Variants in EDA2R observed in about 807,000 individuals in gnomAD.
EDA2R encodes tumor necrosis factor receptor superfamily member 27.
Under a neutral mutation model 20.1 loss-of-function variants are expected in EDA2R, and 26 were observed. That is an observed-to-expected ratio of 1.30 (90% CI 0.95 to 1.80). EDA2R has a LOEUF of 1.80. Among genes scored for constraint, EDA2R ranks in the 40% most tolerant of loss-of-function variants. EDA2R has a pLI of 0.00. For synonymous variants in EDA2R, 114 were observed against 88.7 expected (o/e 1.29, Z -1.60); for missense variants, 277 against 228.7 (o/e 1.21, Z -1.36).
chrX:66,607,930 A>G lies in EDA2R; in HGVS notation c.88-2704T>C, dbSNP rs1236752090. ...GCACTTAGTAGACAAAGACTAAAAG[A>G]ACTGTCTTAAATTTGCTCAAAGACA... On this transcript the variant is annotated intron_variant, in intron 2 of 6. Coordinates refer to ENST00000374719, the MANE Select transcript of EDA2R (RefSeq NM_021783.5). Among the ~76,000 whole-genome samples, 2 of 112,334 alleles carry G rather than the reference A, an allele frequency of 1.8e-5. 1 individual carries two copies. Among genetic ancestry groups the G allele is most frequent in the African/African-American group, 6.5e-5 (2 of 30,944 alleles).
intron 3 of EDA2R, 25 bp downstream of exon 3, chrX:66,605,023 G>C (rs752977601): frequency 1.7e-6 from 2 of 1,175,302 alleles, no homozygotes; most frequent in African/African-American, 3.5e-5. Flanking sequence ...GCCCAGACAA[G>C]CTTGGTCTCA....
At position 66,599,654 on chromosome X, in the gene EDA2R, C is replaced by T; in HGVS notation, c.724G>A (p.Glu242Lys). 1 of 1,207,505 alleles carries T rather than the reference C, an allele frequency of 8.3e-7. No homozygotes were observed. Among genetic ancestry groups the T allele is most frequent in the Non-Finnish European group, 1.1e-6 (1 of 893,722 alleles). Reference sequence around the variant, plus strand: ...CTGTGGACCCAGTGGGAGTGGCTCTCTGAGGTGCAGGAGGCCATGGTAAAG... The same window carrying T: ...CTGTGGACCCAGTGGGAGTGGCTCTTTGAGGTGCAGGAGGCCATGGTAAAG... ...ESFTMASCTS[E>K]SHSHWVHSPI... is the part of the protein sequence containing the mutation. Residue 242 changes from glutamate to lysine, a missense_variant, in exon 6 of 7, where the codon GAG becomes AAG. Physicochemically the swap from Glu to Lys is moderately conservative, Grantham distance 56. Coordinates refer to ENST00000374719, the MANE Select transcript of EDA2R (RefSeq NM_021783.5).
chrX:66,621,003 A>AC (rs1488177843), intron 1 of EDA2R, among the ~76,000 whole-genome samples: 1 of 105,113 alleles, frequency 9.5e-6, no homozygotes, highest in Non-Finnish European at 1.9e-5. Context: ...CCGGCCAGGC[A>AC]CGGTGGCTCA....
At chrX:66,630,525 G>C (rs1329905040) in intron 1 of EDA2R, among the ~76,000 whole-genome samples, 1 of 110,849 alleles carries the variant, frequency 9.0e-6, no homozygotes, top group Non-Finnish European at 1.9e-5. Context: ...CAAAACGTGG[G>C]CTAAGGACAT....
Position 66,626,181 on chromosome X carries a change from G to A in EDA2R, c.-10-10151C>T, listed in dbSNP as rs977988408. Among the ~76,000 whole-genome samples the A allele has an allele frequency of 3.6e-5, 4 of 111,904 alleles. No individual in the cohort carries two copies. The Admixed American group carries it at 3.8e-4, about 11-fold the overall frequency. ...CCAAGATAAAATCTCTGATTTACCT[G>A]AAAAAGAATTCAGGAGATTAGTTAT... On this transcript the variant is annotated intron_variant, in intron 1 of 6. Coordinates refer to ENST00000374719, the MANE Select transcript of EDA2R (RefSeq NM_021783.5).
intron 1 of EDA2R, among the ~76,000 whole-genome samples, chrX:66,628,220 T>C (rs1485355323): frequency 1.8e-5 from 2 of 110,735 alleles, no homozygotes; most frequent in Non-Finnish European, 3.8e-5. Flanking sequence ...AACACCTATA[T>C]GGAAATGACT....
chrX:66,612,796 T>C (rs1931005220), intron 2 of EDA2R, among the ~76,000 whole-genome samples: 1 of 111,810 alleles, frequency 8.9e-6, no homozygotes, highest in Non-Finnish European at 1.9e-5. Flanking sequence ...TTGTACTCAA[T>C]AAAAATTAAA....
At chrX:66,598,225 A>G in intron 6 of EDA2R, 132 bp from the exon 7 acceptor site, 1 of 224,336 alleles carries the variant, frequency 4.5e-6, no homozygotes, top group Non-Finnish European at 8.6e-6. Flanking sequence ...TTACCTAGAT[A>G]GGGATATGAC....
chrX:66,599,950 G>A (rs1322314234), intron 5 of EDA2R, 90 bp from the exon 6 acceptor site: 2 of 1,141,222 alleles, frequency 1.8e-6, no homozygotes, highest in East Asian at 3.1e-5. Flanking sequence ...GACAGGTAAA[G>A]GTCTGGGAGC....
intron 2 of EDA2R, among the ~76,000 whole-genome samples, chrX:66,611,977 G>A (rs777111713): frequency 1.8e-5 from 2 of 111,477 alleles, no homozygotes; most frequent in Non-Finnish European, 3.8e-5. Flanking sequence ...CAAATGATAC[G>A]ACAGTGGGTT....
chrX:66,612,924 C>A (rs910398864), intron 2 of EDA2R, among the ~76,000 whole-genome samples: 6 of 111,304 alleles, frequency 5.4e-5, no homozygotes, highest in Admixed American at 9.6e-5. Context: ...TGCAAAATTT[C>A]TTTTGCTATT....
intron 4 of EDA2R, among the ~76,000 whole-genome samples, 189 bp from the exon 5 acceptor site, chrX:66,602,986 T>C (rs979829338): frequency 8.9e-6 from 1 of 112,168 alleles, no homozygotes; most frequent in Non-Finnish European, 1.9e-5. Flanking sequence ...AATTTGTATA[T>C]AGTGCTGGTA....
chrX:66,625,080 G>T (rs1423086504), intron 1 of EDA2R, among the ~76,000 whole-genome samples: 6 of 111,778 alleles, frequency 5.4e-5, no homozygotes, highest in Non-Finnish European at 1.1e-4. Context: ...CAGAAGGGTC[G>T]CCAGAGGCAC....
At chrX:66,627,701 A>G (rs1162424532) in intron 1 of EDA2R, among the ~76,000 whole-genome samples, 2 of 112,227 alleles carry the variant, frequency 1.8e-5, no homozygotes, top group Admixed American at 1.9e-4. Context: ...TCAATATTCT[A>G]CTGACAGCAG....
Position 66,602,705 on chromosome X carries a change from C to T in EDA2R, c.445G>A (p.Val149Met), listed in dbSNP as rs867737802. 2.5e-6 allele frequency: 3 copies of T among 1,200,821 alleles called. No homozygotes were observed. Among genetic ancestry groups the T allele is most frequent in the Non-Finnish European group, 3.4e-6 (3 of 889,593 alleles). Residue 149 changes from valine (V) to methionine (M), a missense_variant, in exon 5 of 7, where the codon GTG becomes ATG. Transcript: ENST00000374719. ...AGCCCCAGGAAGGCCAGGGTAAACACCACTAGCAGGCTGCTCACCAGTGCA... is the reference window on the plus strand; with the variant it reads ...AGCCCCAGGAAGGCCAGGGTAAACATCACTAGCAGGCTGCTCACCAGTGCA... ...LVALVSSLLV[V>M]FTLAFLGLFF...
intron 4 of EDA2R, among the ~76,000 whole-genome samples, chrX:66,603,803 T>C (rs1490952096): frequency 8.9e-6 from 1 of 111,924 alleles, no homozygotes; most frequent in Non-Finnish European, 1.9e-5. Context: ...GAAGCAAATA[T>C]GCAAAATGCT....
At chrX:66,612,155 C>T (rs1016641202) in intron 2 of EDA2R, among the ~76,000 whole-genome samples, 2 of 111,169 alleles carry the variant, frequency 1.8e-5, no homozygotes, top group Non-Finnish European at 3.8e-5. Flanking sequence ...TGCTAGTAGG[C>T]CTACCCTTAA....
In EDA2R at chrX:66,596,764, A is replaced by C. The variant is rs1452660171; in HGVS notation, c.*1340T>G. 1 of 110,567 alleles carries C rather than the reference A, an allele frequency of 9.0e-6. No homozygotes were observed. Among genetic ancestry groups the C allele is most frequent in the East Asian group, 2.8e-4 (1 of 3,551 alleles). The allele number at this position is 110,567 out of a possible 1,213,427, so 9.1% of individuals were successfully genotyped here. A position where few individuals can be genotyped will look rare whatever the true frequency, so the allele number is the denominator to read the frequency against. Reference sequence around the variant, plus strand: ...AAAAACAAAAACAAAAACAAAAACAAAAAAAAAACAGGAAACCTAAAGGCC... The same window carrying C: ...AAAAACAAAAACAAAAACAAAAACACAAAAAAAACAGGAAACCTAAAGGCC... On this transcript the variant is annotated 3_prime_UTR_variant, in exon 7 of 7. Coordinates refer to ENST00000374719, the MANE Select transcript of EDA2R (RefSeq NM_021783.5).
chrX:66,599,669 C>T lies in EDA2R; in HGVS notation c.709G>A (p.Ala237Thr). Residue 237 changes from alanine (A) to threonine (T), a missense_variant, in exon 6 of 7, where the codon GCC (alanine) becomes ACC (threonine). Coordinates refer to ENST00000374719, the MANE Select transcript of EDA2R (RefSeq NM_021783.5). Reference sequence around the variant, plus strand: ...GAGTGGCTCTCTGAGGTGCAGGAGGCCATGGTAAAGGACTCCTGTGTGGGG... The same window carrying T: ...GAGTGGCTCTCTGAGGTGCAGGAGGTCATGGTAAAGGACTCCTGTGTGGGG... ...GFPTQESFTM[A>T]SCTSESHSHW... The T allele has an allele frequency of 2.5e-6, 3 of 1,208,092 alleles. No homozygotes were observed. Among genetic ancestry groups the T allele is most frequent in the African/African-American group, 1.7e-5 (1 of 57,582 alleles).
Sources: gnomAD v4.1 joint callset for allele counts (sites outside exome capture counted in the v4.1 genomes callset) on GRCh38, gnomAD v4.1.1 for gene constraint, MANE v1.5 for transcripts, NCBI Gene and HGNC (gene_info 2026-07-23, HGNC 2026-07-21) for gene names.